Variants in TACC1 observed in about 807,000 individuals in gnomAD.
TACC1 encodes the protein transforming acidic coiled-coil-containing protein 1.
TACC1 carries 48 observed loss-of-function variants against 84.4 expected under a neutral mutation model. That is an observed-to-expected ratio of 0.57 (90% confidence interval 0.45 to 0.72). The LOEUF (loss-of-function observed/expected upper bound fraction) is 0.72. Ranked by LOEUF, TACC1 falls within the 30% of genes least tolerant of loss-of-function variation. TACC1 has a pLI of 0.00. For missense variants in TACC1, 920 were observed against 973.0 expected (o/e 0.95, Z 0.72); for synonymous variants, 372 against 376.3 (o/e 0.99, Z 0.13).
intron 5 of TACC1, chr8:38,827,605 T>C (rs1432205343): frequency 1.3e-5 from 7 of 556,558 alleles, no homozygotes; most frequent in Non-Finnish European, 2.2e-5. Flanking sequence ...GATGCTGATG[T>C]ATGTGAGACT....
intron 3 of TACC1, among the ~76,000 whole-genome samples, chr8:38,746,817 T>C (rs990882387): frequency 6.6e-6 from 1 of 152,190 alleles, no homozygotes; most frequent in African/African-American, 2.4e-5. Flanking sequence ...AGAATAGCTG[T>C]AAAGCATCAG....
intron 3 of TACC1, among the ~76,000 whole-genome samples, chr8:38,755,254 T>C (rs1809785275): frequency 6.6e-6 from 1 of 151,914 alleles, no homozygotes. Flanking sequence ...TAGTCACATA[T>C]ATCTTTATTC....
rs1305845925 is a variant in TACC1 at position 38,820,086 on chromosome 8, A to C, written c.842A>C (p.Asp281Ala). 1.2e-6 allele frequency: 2 copies of C among 1,614,136 alleles called. No homozygotes were observed. Among genetic ancestry groups the C allele is most frequent in the Admixed American group, 3.3e-5 (2 of 60,028 alleles). Residue 281 changes from aspartate to alanine, a missense_variant, in exon 3 of 13, where the codon GAT becomes GCT. Asp to Ala is a moderately radical substitution (Grantham distance 126). Coordinates refer to ENST00000317827, the MANE Select transcript of TACC1 (RefSeq NM_006283.3). ...LDENTSPLLG[D>A]ARFQKSPPDL... is the part of the protein sequence containing the mutation. Reference sequence around the variant, plus strand: ...GAGAACACAAGTCCTTTGCTAGGAGATGCCAGGTTCCAGAAGTCTCCCCCT... The same window carrying C: ...GAGAACACAAGTCCTTTGCTAGGAGCTGCCAGGTTCCAGAAGTCTCCCCCT...
chr8:38,828,278 T>C (rs939935144), intron 5 of TACC1, among the ~76,000 whole-genome samples: 1 of 152,232 alleles, frequency 6.6e-6, no homozygotes, highest in African/African-American at 2.4e-5. Flanking sequence ...GTCAAAGAAG[T>C]TAAGTGACTT....
In TACC1 at chr8:38,851,679, T is replaced by C. The variant is rs1400141362; in HGVS notation, c.*3656T>C. 3.6e-6 allele frequency: 1 copy of C among 280,770 alleles called. No homozygotes were observed. The highest frequency in any genetic ancestry group is 2.2e-5 in the African/African-American group (1 of 45,212). The allele number at this position is 280,770 out of a possible 1,614,324, so 17.4% of individuals were successfully genotyped here. ...GTCATGTGATTGTGAGCTTGCTTTC[T>C]GACTTGCATTTCTGACTTTATCCTG... On this transcript the variant is annotated 3_prime_UTR_variant, in exon 13 of 13. Transcript: ENST00000317827.
chr8:38,735,218 A>C (rs1805736220), intron 1 of TACC1, among the ~76,000 whole-genome samples: 1 of 152,220 alleles, frequency 6.6e-6, no homozygotes, highest in South Asian at 2.1e-4. Flanking sequence ...TTCATTTCAC[A>C]GCTTTGGAAA....
At chr8:38,736,721 A>C (rs1273329962) in intron 1 of TACC1, among the ~76,000 whole-genome samples, 1 of 152,192 alleles carries the variant, frequency 6.6e-6, no homozygotes, top group East Asian at 1.9e-4. Flanking sequence ...AGAGAGGCAC[A>C]TCAGAGTTCC....
intron 1 of TACC1, among the ~76,000 whole-genome samples, chr8:38,731,273 C>A (rs2151599844): frequency 6.6e-6 from 1 of 152,254 alleles, no homozygotes; most frequent in South Asian, 2.1e-4. Context: ...GTGCCAGGCT[C>A]TGTAGCCAGA....
At chr8:38,815,920 G>A (rs941368416) in intron 2 of TACC1, among the ~76,000 whole-genome samples, 10 of 149,774 alleles carry the variant, frequency 6.7e-5, no homozygotes, top group Non-Finnish European at 1.0e-4. Context: ...TTGAGCCCAG[G>A]AGTTCAAGAT....
intron 2 of TACC1, among the ~76,000 whole-genome samples, chr8:38,799,346 C>T (rs977766342): frequency 9.2e-5 from 14 of 152,148 alleles, no homozygotes; most frequent in Non-Finnish European, 1.9e-4. Context: ...GACACTTGCC[C>T]TGCAGTGGGC....
chr8:38,811,307 C>G (rs189247400), intron 2 of TACC1, among the ~76,000 whole-genome samples: 28 of 152,074 alleles, frequency 1.8e-4, no homozygotes, highest in African/African-American at 6.3e-4. Context: ...TGGCACTAGT[C>G]TTCTAGTTTC....
At chr8:38,818,105 C>T (rs1008693000) in intron 2 of TACC1, among the ~76,000 whole-genome samples, 3 of 151,440 alleles carry the variant, frequency 2.0e-5, no homozygotes, top group African/African-American at 7.3e-5. Context: ...CTTAGTGGCT[C>T]ATGACTGTGG....
intron 1 of TACC1, among the ~76,000 whole-genome samples, chr8:38,733,585 A>G (rs2151618794): frequency 6.6e-6 from 1 of 152,208 alleles, no homozygotes; most frequent in East Asian, 1.9e-4. Flanking sequence ...CCTTCATAGG[A>G]GGCTGCTTAC....
chr8:38,730,516 T>G (rs1804709140), intron 1 of TACC1, among the ~76,000 whole-genome samples: 1 of 152,242 alleles, frequency 6.6e-6, no homozygotes, highest in Non-Finnish European at 1.5e-5. Context: ...ACAGATGAGC[T>G]CATGGAATAC....
intron 3 of TACC1, among the ~76,000 whole-genome samples, chr8:38,748,698 T>C (rs916387866): frequency 3.3e-5 from 5 of 152,156 alleles, no homozygotes; most frequent in Non-Finnish European, 5.9e-5. Flanking sequence ...TAAATATTTA[T>C]TGGGCTAAAG....
intron 2 of TACC1, among the ~76,000 whole-genome samples, chr8:38,800,086 G>A (rs1259738010): frequency 2.0e-5 from 3 of 152,350 alleles, no homozygotes; most frequent in South Asian, 2.1e-4. Context: ...ACTTGAGCTT[G>A]GGAGGTTGAG....
At chr8:38,844,349 T>C (rs1831823903) in intron 11 of TACC1, among the ~76,000 whole-genome samples, 1 of 151,926 alleles carries the variant, frequency 6.6e-6, no homozygotes, top group Non-Finnish European at 1.5e-5. Flanking sequence ...ATTTTTTGTA[T>C]TTTTAGTAGA....
At chr8:38,761,706 A>G (rs1811237055) in intron 3 of TACC1, among the ~76,000 whole-genome samples, 1 of 152,198 alleles carries the variant, frequency 6.6e-6, no homozygotes, top group African/African-American at 2.4e-5. Context: ...TCTCAACACA[A>G]AATATTTGTT....
chr8:38,837,602 A>C (rs1333445431), intron 7 of TACC1, among the ~76,000 whole-genome samples: 1 of 152,116 alleles, frequency 6.6e-6, no homozygotes, highest in Non-Finnish European at 1.5e-5. Context: ...AAATCTTGTA[A>C]ATGAGAAAAA....
Sources: allele counts gnomAD v4.1 joint callset (sites outside exome capture counted in the v4.1 genomes callset), GRCh38; gene constraint gnomAD v4.1.1; transcripts MANE v1.5; gene names NCBI Gene and HGNC (gene_info 2026-07-23, HGNC 2026-07-21).